The following NTRK2 variants were observed in gnomAD, a reference collection of about 807,000 sequenced individuals.
NTRK2 encodes the protein neurotrophic receptor tyrosine kinase 2, also known as BDNF/NT-3 growth factors receptor.
NTRK2 carries 13 observed loss-of-function variants against 94.5 expected under a neutral mutation model. The observed-to-expected ratio is 0.14, with a 90% CI of 0.09 to 0.22. The LOEUF (loss-of-function observed/expected upper bound fraction) is 0.22. Ranked by LOEUF, NTRK2 falls within the 10% of genes least tolerant of loss-of-function variation. NTRK2 has a pLI of 1.00. For synonymous variants in NTRK2, 372 were observed against 407.4 expected (o/e 0.91, Z 1.05); for missense variants, 639 against 1,071.2 (o/e 0.60, Z 5.63).
chr9:84,990,158 C>T (rs1486302122), intron 17 of NTRK2, among the ~76,000 whole-genome samples: 1 of 77,160 alleles, frequency 1.3e-5, no homozygotes, highest in African/African-American at 4.6e-5. Context: ...CTCCAATAGT[C>T]TCTCAAAGGC....
At chr9:84,678,287 A>C (rs960986727) in intron 2 of NTRK2, among the ~76,000 whole-genome samples, 1 of 152,240 alleles carries the variant, frequency 6.6e-6, no homozygotes, top group Non-Finnish European at 1.5e-5. Context: ...CTTGAGCATT[A>C]GTGCATTGAC....
intron 12 of NTRK2, among the ~76,000 whole-genome samples, chr9:84,823,102 TA>T (rs765769624): frequency 1.1e-4 from 16 of 151,982 alleles, no homozygotes; most frequent in African/African-American, 3.1e-4. Context: ...TTTTTTTTTT[TA>T]AAAGTACCCA....
rs2063930642 is a variant in NTRK2, at chr9:84,744,889, T to G, written c.1196-84T>G. ...ATCTTTGTGATTTGTCTTGCTTCAT[T>G]CTGGCTCTTACTGTGGCCCTGTGTT... On this transcript the variant is annotated intron_variant, in intron 10 of 18. Coordinates refer to ENST00000277120, the MANE Select transcript of NTRK2 (RefSeq NM_006180.6). The G allele has an allele frequency of 7.4e-6, 7 of 942,464 alleles. No homozygotes were observed. The South Asian group carries it at 9.0e-5, about 12-fold the overall frequency. 58.4% of individuals were successfully genotyped at this position (942,464 alleles called of 1,614,324 possible).
chr9:84,814,972 C>T (rs906869867), intron 12 of NTRK2: 23 of 1,059,682 alleles, frequency 2.2e-5, no homozygotes, highest in Admixed American at 5.4e-5. Context: ...CATCTAAAGA[C>T]ATAGGGGAAG....
Position 84,830,866 on chromosome 9 carries a change from C to T in NTRK2, c.1397-30174C>T, listed in dbSNP as rs923330555. On this transcript the variant is annotated intron_variant, in intron 12 of 18. Transcript: ENST00000277120. The stretch of plus-strand genomic sequence containing the variant: ...AAAGTAGTAAAGATTTCCTATAATC[C>T]TGCCACCCAGAAATATTTCATTTAG... 9.2e-5 allele frequency among the ~76,000 whole-genome samples: 14 copies of T among 152,014 alleles called. 1 individual carries two copies. In the East Asian group the frequency reaches 2.5e-3, roughly 27 times the overall value.
At chr9:85,019,364 A>G (rs550140732) in intron 17 of NTRK2, among the ~76,000 whole-genome samples, 4 of 152,196 alleles carry the variant, frequency 2.6e-5, no homozygotes, top group Non-Finnish European at 5.9e-5. Context: ...ACTACTGTGC[A>G]GAAATCTGTT....
chr9:84,955,736 C>T (rs1326304297), intron 17 of NTRK2: 3 of 641,124 alleles, frequency 4.7e-6, no homozygotes, highest in Non-Finnish European at 8.5e-6. Context: ...AGGTGGCTGC[C>T]TTCTCACTAT....
rs760629075 is a variant in NTRK2 at position 84,955,399 on chromosome 9, C to T, written c.2054C>T (p.Ser685Phe). 1 of 1,614,216 alleles carries T rather than the reference C, an allele frequency of 6.2e-7. No individual in the cohort carries two copies. The highest frequency in any genetic ancestry group is 1.1e-5 in the South Asian group (1 of 91,080). The change falls in exon 17 of 19, where the codon TCC (serine) becomes TTC (phenylalanine). Residue 685 changes from serine (S) to phenylalanine (F), a missense_variant. Coordinates refer to ENST00000277120, the MANE Select transcript of NTRK2 (RefSeq NM_006180.6). ...QIAAGMVYLASQHFVHRDLAT... is the reference protein window; with the variant it reads ...QIAAGMVYLAFQHFVHRDLAT... ...GCCGCGGGCATGGTCTACCTGGCGT[C>T]CCAGCACTTCGTGCACCGCGATTTG... is the stretch of plus-strand genomic sequence containing the variant.
At chr9:84,832,719 G>C (rs2073632967) in intron 12 of NTRK2, among the ~76,000 whole-genome samples, 1 of 152,276 alleles carries the variant, frequency 6.6e-6, no homozygotes, top group African/African-American at 2.4e-5. Flanking sequence ...AAGAGGACCT[G>C]CCTTCTCCTT....
At chr9:84,740,617 T>C (rs1463066282) in intron 9 of NTRK2, among the ~76,000 whole-genome samples, 2 of 152,228 alleles carry the variant, frequency 1.3e-5, no homozygotes, top group Non-Finnish European at 2.9e-5. Context: ...TTTCAGGTGA[T>C]GTTATTCACA....
At chr9:84,982,947 T>C (rs1171419485) in intron 17 of NTRK2, among the ~76,000 whole-genome samples, 1 of 152,054 alleles carries the variant, frequency 6.6e-6, no homozygotes, top group African/African-American at 2.4e-5. Flanking sequence ...AGAGCAGTGG[T>C]GGATTTTTTT....
intron 4 of NTRK2, among the ~76,000 whole-genome samples, chr9:84,706,893 G>A (rs1314921750): frequency 6.6e-6 from 1 of 152,058 alleles, no homozygotes; most frequent in Non-Finnish European, 1.5e-5. Context: ...AACACACACT[G>A]AAAGTCTCAT....
In NTRK2 at chr9:84,715,335, G is replaced by C. The variant is rs562979765; in HGVS notation, c.583+4544G>C. Among the ~76,000 whole-genome samples, 3 of 152,108 alleles carry C rather than the reference G, an allele frequency of 2.0e-5. No homozygotes were observed. In the South Asian group the frequency reaches 6.2e-4, roughly 32 times the overall value. On this transcript the variant is annotated intron_variant, in intron 6 of 18. Transcript: ENST00000277120. ...TTATCTTGATGGCATTTTTGAGAGA[G>C]TCTCATTTCTTCTTTTTTCTTTATA... is the stretch of plus-strand genomic sequence containing the variant.
chr9:84,953,958 G>A (rs1025948326), intron 16 of NTRK2, among the ~76,000 whole-genome samples: 2 of 152,158 alleles, frequency 1.3e-5, no homozygotes, highest in African/African-American at 2.4e-5. Context: ...GGCTGGAGCC[G>A]GGATGGAAGT....
chr9:84,710,129 C>T (rs936110906), intron 5 of NTRK2, among the ~76,000 whole-genome samples: 2 of 152,192 alleles, frequency 1.3e-5, no homozygotes, highest in African/African-American at 4.8e-5. Flanking sequence ...CTGGCATTCA[C>T]AATTTAGTCT....
At chr9:84,749,004 G>A (rs1490983040) in intron 11 of NTRK2, among the ~76,000 whole-genome samples, 1 of 152,228 alleles carries the variant, frequency 6.6e-6, no homozygotes, top group East Asian at 1.9e-4. Flanking sequence ...TGAGGCAGGC[G>A]GATCACCTGA....
At chr9:84,883,781 A>G (rs948517356) in intron 14 of NTRK2, among the ~76,000 whole-genome samples, 6 of 152,242 alleles carry the variant, frequency 3.9e-5, no homozygotes, top group Non-Finnish European at 8.8e-5. Context: ...AGAAATGCCC[A>G]AAGTGGGTGA....
intron 2 of NTRK2, among the ~76,000 whole-genome samples, chr9:84,689,495 G>A (rs557977745): frequency 1.5e-4 from 23 of 152,222 alleles, no homozygotes; most frequent in African/African-American, 5.1e-4. Context: ...TGGACTCTGG[G>A]ATTGTCAGTC....
rs77309745 is a variant in NTRK2, at chr9:85,020,376, G to T, written c.2331+12G>T. On this transcript the variant is annotated intron_variant, in intron 18 of 18. Transcript: ENST00000277120. Reference sequence around the variant, plus strand: ...TGTCAAACAATGAGGTGTGCAATGGGTCTGGCCAAGACCCTCCAGAGGGCT... The same window carrying T: ...TGTCAAACAATGAGGTGTGCAATGGTTCTGGCCAAGACCCTCCAGAGGGCT... The T allele has an allele frequency of 6.2e-7, 1 of 1,614,126 alleles. No homozygotes were observed.
Sources: allele counts gnomAD v4.1 joint callset (sites outside exome capture counted in the v4.1 genomes callset), GRCh38; gene constraint gnomAD v4.1.1; transcripts MANE v1.5; gene names NCBI Gene and HGNC (gene_info 2026-07-23, HGNC 2026-07-21).